The following IL1RAPL2 variants were observed in gnomAD, a reference collection of about 807,000 sequenced individuals.
IL1RAPL2 encodes X-linked interleukin-1 receptor accessory protein-like 2.
IL1RAPL2 carries 3 observed loss-of-function variants against 44.1 expected under a neutral mutation model. The ratio of observed to expected loss-of-function variants is 0.07; its 90% CI spans 0.03 to 0.18. The LOEUF (loss-of-function observed/expected upper bound fraction) is 0.18, where lower values mean the gene tolerates loss of function less well. Among genes scored for constraint, IL1RAPL2 ranks in the 10% least tolerant of loss-of-function variants. The pLI is 1.00. For missense variants in IL1RAPL2, 391 were observed against 496.4 expected, an observed-to-expected ratio of 0.79 and a Z score of 2.02; for synonymous variants, 181 against 178.8, an observed-to-expected ratio of 1.01 and a Z score of -0.10.
chrX:104,669,635 C>T (rs969251204), intron 2 of IL1RAPL2, among the ~76,000 whole-genome samples: 2 of 111,482 alleles, frequency 1.8e-5, no homozygotes, highest in Admixed American at 9.6e-5. Context: ...GCTGGGGCCT[C>T]GGAATCTGTT....
At chrX:105,748,588 A>G (rs1048215293) in intron 8 of IL1RAPL2, among the ~76,000 whole-genome samples, 1 of 112,024 alleles carries the variant, frequency 8.9e-6, no homozygotes, top group Non-Finnish European at 1.9e-5. Context: ...TGCTAAACCA[A>G]TAAGATAATT....
chrX:105,104,608 G>C (rs772958950), intron 2 of IL1RAPL2, among the ~76,000 whole-genome samples: 43 of 111,773 alleles, frequency 3.8e-4, no homozygotes, highest in Non-Finnish European at 6.6e-4. Flanking sequence ...GGGGACCAGA[G>C]AGGGAAGATT....
chrX:105,675,833 T>C (rs951109152), intron 6 of IL1RAPL2, among the ~76,000 whole-genome samples: 14 of 111,904 alleles, frequency 1.3e-4, no homozygotes, highest in African/African-American at 4.5e-4. Context: ...TGCTTTAATT[T>C]TGGAACTTAT....
intron 2 of IL1RAPL2, among the ~76,000 whole-genome samples, chrX:104,885,454 A>T (rs1334935993): frequency 8.9e-6 from 1 of 111,838 alleles, no homozygotes; most frequent in Non-Finnish European, 1.9e-5. Flanking sequence ...TGGCTATGGG[A>T]GGCCTTAAGA....
At chrX:104,663,411 T>C (rs1930436566) in intron 2 of IL1RAPL2, among the ~76,000 whole-genome samples, 1 of 111,104 alleles carries the variant, frequency 9.0e-6, no homozygotes, top group Non-Finnish European at 1.9e-5. Flanking sequence ...CAATAAAATG[T>C]TTTATTTAAA....
intron 3 of IL1RAPL2, 28 bp downstream of exon 3, chrX:105,195,776 A>T: frequency 8.4e-7 from 1 of 1,194,209 alleles, no homozygotes; most frequent in Non-Finnish European, 1.1e-6. Context: ...ACATTGCCCA[A>T]TCACATGGCT....
chrX:105,634,325 A>G (rs1474594646), intron 6 of IL1RAPL2, among the ~76,000 whole-genome samples: 1 of 111,458 alleles, frequency 9.0e-6, no homozygotes, highest in African/African-American at 3.3e-5. Context: ...TCCAGTCACC[A>G]CAATCCCTAA....
At chrX:104,805,445 A>T (rs1192706642) in intron 2 of IL1RAPL2, among the ~76,000 whole-genome samples, 1 of 112,148 alleles carries the variant, frequency 8.9e-6, no homozygotes, top group Non-Finnish European at 1.9e-5. Context: ...TTTCTGTCCC[A>T]AGAACCTACC....
intron 2 of IL1RAPL2, among the ~76,000 whole-genome samples, chrX:104,888,158 A>C (rs1923306905): frequency 9.1e-6 from 1 of 110,288 alleles, no homozygotes; most frequent in African/African-American, 3.3e-5. Flanking sequence ...GGGAAGCAGA[A>C]GGGAGAACAG....
chrX:104,636,137 A>T (rs1809339148), intron 1 of IL1RAPL2, among the ~76,000 whole-genome samples: 1 of 112,059 alleles, frequency 8.9e-6, no homozygotes, highest in East Asian at 2.8e-4. Flanking sequence ...GGGTATCAGC[A>T]GCGGAGGCTG....
At chrX:105,392,140 TATA>T (rs1217240993) in intron 5 of IL1RAPL2, among the ~76,000 whole-genome samples, 1 of 107,466 alleles carries the variant, frequency 9.3e-6, no homozygotes, top group Non-Finnish European at 1.9e-5. Flanking sequence ...AAACTTAAAG[TATA>T]ATAATAATAA....
chrX:105,745,252 C>A (rs775922927), intron 8 of IL1RAPL2, among the ~76,000 whole-genome samples: 71 of 111,666 alleles, frequency 6.4e-4, no homozygotes, highest in Non-Finnish European at 1.2e-3. Flanking sequence ...CTTCCAAGCC[C>A]TCACCAGAAT....
intron 5 of IL1RAPL2, among the ~76,000 whole-genome samples, chrX:105,444,316 T>TC (rs1453181059): frequency 9.0e-6 from 1 of 111,729 alleles, no homozygotes; most frequent in African/African-American, 3.3e-5. Context: ...GTTGATTTTT[T>TC]CCTTTGCTGT....
At chrX:104,576,996 A>G (rs1282897019) in intron 1 of IL1RAPL2, among the ~76,000 whole-genome samples, 1 of 112,099 alleles carries the variant, frequency 8.9e-6, no homozygotes, top group Non-Finnish European at 1.9e-5. Context: ...TATTTCAAAC[A>G]CCCACTGCTC....
chrX:105,690,427 A>G (rs923799711), intron 6 of IL1RAPL2, among the ~76,000 whole-genome samples: 8 of 111,258 alleles, frequency 7.2e-5, no homozygotes, highest in African/African-American at 2.6e-4. Context: ...TAGATGCAAT[A>G]TTAGCTTATT....
At chrX:105,409,663 A>G (rs1335217757) in intron 5 of IL1RAPL2, among the ~76,000 whole-genome samples, 1 of 110,981 alleles carries the variant, frequency 9.0e-6, no homozygotes, top group Non-Finnish European at 1.9e-5. Flanking sequence ...TTCCAGGCTC[A>G]TATTATGTGA....
At chrX:105,547,609 G>A (rs909436441) in intron 6 of IL1RAPL2, among the ~76,000 whole-genome samples, 2 of 111,928 alleles carry the variant, frequency 1.8e-5, no homozygotes, top group Non-Finnish European at 3.8e-5. Flanking sequence ...CTCTACCATC[G>A]AGTAATTGTC....
At chrX:104,791,913 T>A (rs1480981458) in intron 2 of IL1RAPL2, among the ~76,000 whole-genome samples, 3 of 111,135 alleles carry the variant, frequency 2.7e-5, no homozygotes, top group African/African-American at 9.8e-5. Flanking sequence ...CCACTCTTAT[T>A]TTTTATTTTT....
At chrX:104,882,472 C>T (rs752232786) in intron 2 of IL1RAPL2, among the ~76,000 whole-genome samples, 63 of 111,782 alleles carry the variant, frequency 5.6e-4, no homozygotes, top group Non-Finnish European at 1.1e-3. Flanking sequence ...GAGGTGAAGC[C>T]GGCTGGGCTT....
Sources: allele counts gnomAD v4.1 joint callset (sites outside exome capture counted in the v4.1 genomes callset), GRCh38; gene constraint gnomAD v4.1.1; transcripts MANE v1.5; gene names NCBI Gene and HGNC (gene_info 2026-07-23, HGNC 2026-07-21).